Variants in CAST observed in about 807,000 individuals in gnomAD.
CAST encodes the protein MIR583 host.
CAST carries 76 observed loss-of-function variants against 119.6 expected under a neutral mutation model. The observed-to-expected ratio is 0.64, with a 90% CI of 0.53 to 0.77. The LOEUF is 0.77. Among genes scored for constraint, CAST ranks in the 30% least tolerant of loss-of-function variants. The pLI, the probability that CAST is intolerant of heterozygous loss-of-function variation, is 0.00. For missense variants in CAST, 953 were observed against 946.5 expected (o/e 1.01, Z -0.09); for synonymous variants, 319 against 331.6 (o/e 0.96, Z 0.41).
the CAST span, among the ~76,000 whole-genome samples, chr5:96,057,801 C>T: frequency 6.6e-6 from 1 of 152,146 alleles, no homozygotes; most frequent in Non-Finnish European, 1.5e-5. Context: ...GTTGTCACAT[C>T]AGGTCTCCTC....
At chr5:96,089,878 CT>C in the CAST span, among the ~76,000 whole-genome samples, 1 of 152,000 alleles carries the variant, frequency 6.6e-6, no homozygotes, top group Non-Finnish European at 1.5e-5. Context: ...GATTTTTTAT[CT>C]TCTCATTCGT....
Position 96,765,327 on chromosome 5 carries a change from TAAAAAAAAAAA to T in CAST, c.2037+18_2037+28del. On this transcript the variant is annotated splice_donor_5th_base_variant and intron_variant, in intron 26 of 31. Coordinates refer to ENST00000675179, the MANE Select transcript of CAST (RefSeq NM_001750.7). ...AAACCAATGGAAGATAAAGTAAAGG[TAAAAAAAAAAA>T]AAAAAAAAAAAAAAATTCACTAATA... is the stretch of plus-strand genomic sequence containing the variant. 4 of 511,386 alleles carry T rather than the reference TAAAAAAAAAAA, an allele frequency of 7.8e-6. No homozygotes were observed. Among genetic ancestry groups the T allele is most frequent in the Non-Finnish European group, 1.2e-5 (4 of 321,116 alleles). The allele number at this position is 511,386 out of a possible 1,614,324, so 31.7% of individuals were successfully genotyped here.
chr5:96,729,305 G>A, intron 7 of CAST, 96 bp downstream of exon 7: 2 of 704,672 alleles, frequency 2.8e-6, no homozygotes, highest in Non-Finnish European at 5.0e-6. Context: ...CCCTACAATG[G>A]ATAGTTGGAT....
intron 1 of CAST, among the ~76,000 whole-genome samples, chr5:96,577,535 C>T (rs1377634501): frequency 6.6e-6 from 1 of 152,036 alleles, no homozygotes; most frequent in African/African-American, 2.4e-5. Context: ...AAATTTCCCT[C>T]TCAGCACTAC....
chr5:96,103,411 C>T, the CAST span, among the ~76,000 whole-genome samples: 2 of 143,936 alleles, frequency 1.4e-5, no homozygotes, highest in Admixed American at 7.3e-5. Flanking sequence ...CATGTGTTCT[C>T]ATTGTTCAAT....
At chr5:96,290,026 AT>A in the CAST span, among the ~76,000 whole-genome samples, 1 of 152,100 alleles carries the variant, frequency 6.6e-6, no homozygotes, top group Non-Finnish European at 1.5e-5. Flanking sequence ...AAGTAATGAT[AT>A]TTTTGTCTTC....
intron 1 of CAST, among the ~76,000 whole-genome samples, chr5:96,551,851 T>C (rs1746132212): frequency 6.6e-6 from 1 of 152,042 alleles, no homozygotes; most frequent in Admixed American, 6.6e-5. Context: ...AGGGATCAAT[T>C]CAACAAGAAG....
the CAST span, among the ~76,000 whole-genome samples, chr5:96,082,464 T>G: frequency 6.6e-6 from 1 of 152,146 alleles, no homozygotes; most frequent in Non-Finnish European, 1.5e-5. Flanking sequence ...TCATTCACAC[T>G]CTAGGTCCTC....
chr5:96,588,196 CTT>C (rs140665192), intron 1 of CAST, among the ~76,000 whole-genome samples: 1,331 of 75,776 alleles, frequency 0.018, 9 homozygotes, highest in African/African-American at 0.071. Flanking sequence ...TTCTTTCTTT[CTT>C]TTTTTTTTTT....
the CAST span, among the ~76,000 whole-genome samples, chr5:96,421,013 A>G: frequency 6.6e-6 from 1 of 152,190 alleles, no homozygotes; most frequent in Non-Finnish European, 1.5e-5. Context: ...AGAGAAAATG[A>G]AAAGGAAAGT....
At chr5:96,213,333 T>C in the CAST span, 2 of 152,298 alleles carry the variant, frequency 1.3e-5, no homozygotes, top group Admixed American at 1.3e-4. Flanking sequence ...CAGCAGGTAA[T>C]TGAGTCATGT....
At chr5:96,394,345 G>GA in the CAST span, among the ~76,000 whole-genome samples, 1 of 152,172 alleles carries the variant, frequency 6.6e-6, no homozygotes, top group African/African-American at 2.4e-5. Context: ...AATTTTTTGA[G>GA]AAAAAGTGTG....
chr5:96,596,246 G>A (rs1405769988), intron 1 of CAST, among the ~76,000 whole-genome samples: 1 of 152,184 alleles, frequency 6.6e-6, no homozygotes, highest in Non-Finnish European at 1.5e-5. Flanking sequence ...AGGGACACAA[G>A]AGGAGTCAGA....
the CAST span, among the ~76,000 whole-genome samples, chr5:96,277,624 G>A: frequency 1.3e-5 from 2 of 152,134 alleles, no homozygotes; most frequent in Non-Finnish European, 2.9e-5. Flanking sequence ...CGGAGAAGCT[G>A]TTAAGAATCC....
chr5:96,493,776 T>C, the CAST span, among the ~76,000 whole-genome samples: 1 of 152,190 alleles, frequency 6.6e-6, no homozygotes, highest in South Asian at 2.1e-4. Flanking sequence ...CGGTGTCTCA[T>C]GCCTGTAATC....
At chr5:96,227,022 G>A in the CAST span, among the ~76,000 whole-genome samples, 6 of 152,100 alleles carry the variant, frequency 3.9e-5, no homozygotes, top group Admixed American at 6.5e-5. Context: ...GTTCGCTGTC[G>A]CTCTGTAATC....
At chr5:96,300,477 T>C in the CAST span, among the ~76,000 whole-genome samples, 2 of 152,212 alleles carry the variant, frequency 1.3e-5, no homozygotes, top group Non-Finnish European at 2.9e-5. Flanking sequence ...TTTATGCCGA[T>C]ACCATGCTGT....
the CAST span, among the ~76,000 whole-genome samples, chr5:96,515,525 G>A: frequency 2.6e-5 from 4 of 152,034 alleles, no homozygotes; most frequent in Admixed American, 2.0e-4. Context: ...TCTTCCAGAC[G>A]TCTTTTCTGT....
the CAST span, among the ~76,000 whole-genome samples, chr5:96,056,970 T>C: frequency 6.6e-6 from 1 of 152,116 alleles, no homozygotes; most frequent in Non-Finnish European, 1.5e-5. Context: ...AAAGAATGCT[T>C]CTCAGATTGG....
Sources: allele counts gnomAD v4.1 joint callset (sites outside exome capture counted in the v4.1 genomes callset), GRCh38; gene constraint gnomAD v4.1.1; transcripts MANE v1.5; gene names NCBI Gene and HGNC (gene_info 2026-07-23, HGNC 2026-07-21).